The following ARSB variants were observed in gnomAD, a reference collection of about 807,000 sequenced individuals.
ARSB encodes arylsulfatase B, also known as N-acetylgalactosamine-4-sulfatase.
Under a neutral mutation model 50.9 loss-of-function variants are expected in ARSB, and 41 were observed. The observed-to-expected ratio is 0.81, with a 90% CI of 0.63 to 1.04. The LOEUF is 1.04. Among genes scored for constraint, ARSB ranks in the 50% least tolerant of loss-of-function variants. The probability of loss-of-function intolerance (pLI) is 0.00; values close to 1 mark genes in which losing one functional copy is unlikely to be tolerated. For missense variants in ARSB, 672 were observed against 693.3 expected (o/e 0.97, Z 0.35); for synonymous variants, 269 against 284.8 (o/e 0.94, Z 0.56).
intron 4 of ARSB, among the ~76,000 whole-genome samples, chr5:78,887,365 A>G (rs1226795541): frequency 6.6e-6 from 1 of 152,128 alleles, no homozygotes; most frequent in African/African-American, 2.4e-5. Flanking sequence ...CTTGAGATTG[A>G]GAACTCGATC....
chr5:78,895,075 G>A (rs1011252441), intron 4 of ARSB, among the ~76,000 whole-genome samples: 3 of 152,120 alleles, frequency 2.0e-5, no homozygotes, highest in African/African-American at 7.2e-5. Flanking sequence ...CAAAACAAAT[G>A]CCCCTGAGTT....
intron 5 of ARSB, among the ~76,000 whole-genome samples, chr5:78,845,417 T>C (rs1038593118): frequency 1.3e-5 from 2 of 152,160 alleles, no homozygotes; most frequent in African/African-American, 2.4e-5. Flanking sequence ...CTGGATCATA[T>C]GGTAGTTCTA....
chr5:78,834,953 C>CCCCTCCCT (rs35281545), intron 6 of ARSB, among the ~76,000 whole-genome samples: 3 of 139,726 alleles, frequency 2.1e-5, no homozygotes, highest in Non-Finnish European at 4.6e-5. Context: ...TTCTTATTTT[C>CCCCTCCCT]CCCTCCCTCC....
chr5:78,903,818 C>T (rs1413374697), intron 4 of ARSB, among the ~76,000 whole-genome samples: 2 of 152,160 alleles, frequency 1.3e-5, no homozygotes, highest in African/African-American at 4.8e-5. Context: ...GATATATTAA[C>T]CATATCAGAT....
At chr5:78,842,072 A>G (rs1745242310) in intron 5 of ARSB, among the ~76,000 whole-genome samples, 1 of 151,846 alleles carries the variant, frequency 6.6e-6, no homozygotes, top group Non-Finnish European at 1.5e-5. Context: ...TTATTAACAC[A>G]GATTCAAGTA....
intron 6 of ARSB, among the ~76,000 whole-genome samples, chr5:78,835,443 A>C (rs1744908465): frequency 6.6e-6 from 1 of 152,172 alleles, no homozygotes; most frequent in Non-Finnish European, 1.5e-5. Context: ...TCACAATCAG[A>C]GGAGACATTG....
intron 4 of ARSB, among the ~76,000 whole-genome samples, chr5:78,893,288 G>T (rs1748403908): frequency 6.6e-6 from 1 of 152,076 alleles, no homozygotes; most frequent in Non-Finnish European, 1.5e-5. Context: ...ACCCAGTCTT[G>T]GGTATGTCTT....
chr5:78,940,739 T>A (rs1750873678), intron 4 of ARSB, among the ~76,000 whole-genome samples: 1 of 152,232 alleles, frequency 6.6e-6, no homozygotes, highest in Admixed American at 6.5e-5. Flanking sequence ...GCTTTGTTCT[T>A]TTGGCTTAGG....
At chr5:78,959,973 T>C (rs1751910580) in intron 3 of ARSB, among the ~76,000 whole-genome samples, 1 of 152,198 alleles carries the variant, frequency 6.6e-6, no homozygotes, top group African/African-American at 2.4e-5. Context: ...CTCGGCTCAC[T>C]GTCAGCCTAA....
intron 6 of ARSB, among the ~76,000 whole-genome samples, chr5:78,822,873 T>C (rs944545701): frequency 3.9e-5 from 6 of 152,316 alleles, no homozygotes; most frequent in African/African-American, 1.4e-4. Context: ...CTTGACCTCA[T>C]GATCCGCCCG....
chr5:78,800,401 C>T (rs910663284), intron 6 of ARSB, among the ~76,000 whole-genome samples: 7 of 151,848 alleles, frequency 4.6e-5, no homozygotes, highest in Admixed American at 3.3e-4. Flanking sequence ...TCACAGACTC[C>T]CCTCTCCACC....
intron 1 of ARSB, among the ~76,000 whole-genome samples, chr5:78,974,362 C>G (rs1752580943): frequency 6.6e-6 from 1 of 152,138 alleles, no homozygotes; most frequent in Admixed American, 6.5e-5. Context: ...GTGCAAATCT[C>G]TGACTAAACC....
intron 6 of ARSB, among the ~76,000 whole-genome samples, chr5:78,791,075 T>C (rs1749221397): frequency 6.6e-6 from 1 of 152,240 alleles, no homozygotes; most frequent in South Asian, 2.1e-4. Context: ...ATTTCATTCT[T>C]CGCCAATAAC....
In ARSB at chr5:78,814,341, G is replaced by A. The variant is rs879524047; in HGVS notation, c.1213+25015C>T. 4.0e-5 allele frequency among the ~76,000 whole-genome samples: 6 copies of A among 150,966 alleles called. No individual in the cohort carries two copies. In the East Asian group the frequency reaches 9.7e-4, roughly 24 times the overall value. On this transcript the variant is annotated intron_variant, in intron 6 of 7. Transcript: ENST00000264914. Reference sequence around the variant, plus strand: ...AATCTCTTTTTACATGCACATCTGCGATCCCTTATGAAATAGTCTTAAAAG... The same window carrying A: ...AATCTCTTTTTACATGCACATCTGCAATCCCTTATGAAATAGTCTTAAAAG...
At chr5:78,937,593 C>A (rs1183621644) in intron 4 of ARSB, among the ~76,000 whole-genome samples, 1 of 151,158 alleles carries the variant, frequency 6.6e-6, no homozygotes, top group Non-Finnish European at 1.5e-5. Context: ...GACATTATAG[C>A]ATAGTATATA....
chr5:78,859,993 T>C lies in ARSB; in HGVS notation c.1143-20567A>G, dbSNP rs191256876. Among the ~76,000 whole-genome samples the C allele has an allele frequency of 7.2e-5, 11 of 152,296 alleles. No homozygotes were observed. In the East Asian group the frequency reaches 2.1e-3, roughly 29 times the overall value. On this transcript the variant is annotated intron_variant, in intron 5 of 7. Transcript: ENST00000264914. ...TGGGAAATTAGGGAATCAAATAATATAGCATTCCTTAAACATTTAGTTTGA... is the reference window on the plus strand; with the variant it reads ...TGGGAAATTAGGGAATCAAATAATACAGCATTCCTTAAACATTTAGTTTGA...
At chr5:78,984,805 CG>C (rs1753079240) in intron 1 of ARSB, 131 bp downstream of exon 1, 1 of 666,224 alleles carries the variant, frequency 1.5e-6, no homozygotes, top group African/African-American at 1.9e-5. Flanking sequence ...GAGAAGCCGC[CG>C]GGACCCATAA....
chr5:78,875,008 G>C (rs1747420772), intron 5 of ARSB, among the ~76,000 whole-genome samples: 1 of 152,212 alleles, frequency 6.6e-6, no homozygotes, highest in Non-Finnish European at 1.5e-5. Context: ...AGCTACTTGG[G>C]AGGCTGGGGT....
intron 3 of ARSB, 44 bp from the exon 4 acceptor site, chr5:78,955,546 CA>C: frequency 1.4e-6 from 2 of 1,471,566 alleles, no homozygotes; most frequent in Non-Finnish European, 1.9e-6. Context: ...GATATTGAAG[CA>C]TTAAATATAG....
Sources: gnomAD v4.1 joint callset for allele counts (sites outside exome capture counted in the v4.1 genomes callset) on GRCh38, gnomAD v4.1.1 for gene constraint, MANE v1.5 for transcripts, NCBI Gene and HGNC (gene_info 2026-07-23, HGNC 2026-07-21) for gene names.